Variants in CACHD1 observed in about 807,000 individuals in gnomAD.
CACHD1 encodes VWFA and cache domain-containing protein 1.
CACHD1 carries 71 observed loss-of-function variants against 138.7 expected under a neutral mutation model. The ratio of observed to expected loss-of-function variants is 0.51; its 90% confidence interval spans 0.42 to 0.62. The LOEUF (loss-of-function observed/expected upper bound fraction) is 0.62. CACHD1 is among the 20% of genes least tolerant of loss of function. The pLI is 0.00. For synonymous variants in CACHD1, 578 were observed against 591.5 expected (o/e 0.98, Z 0.33); for missense variants, 1,389 against 1,625.3 (o/e 0.85, Z 2.50).
At chr1:64,505,364 C>T (rs1247309005) in intron 1 of CACHD1, among the ~76,000 whole-genome samples, 9 of 151,722 alleles carry the variant, frequency 5.9e-5, no homozygotes, top group Non-Finnish European at 1.0e-4. Flanking sequence ...GCAACTGTCA[C>T]TATGCTGCGA....
chr1:64,675,001 T>G (rs1570473576), intron 19 of CACHD1, among the ~76,000 whole-genome samples: 1 of 152,340 alleles, frequency 6.6e-6, no homozygotes, highest in East Asian at 1.9e-4. Context: ...ATGCACAATT[T>G]GTGGTTAACT....
Position 64,673,422 on chromosome 1 carries a change from C to T in CACHD1, c.2685C>T (p.Asp895=), listed in dbSNP as rs763001657. ...AAAACCTGTGCAACAGCTTCAGTGA[C>T]AGAACGGTCCAGAGGTTTTATAAAT... ...VKKNLCNSFS[D]RTVQRFYKFN... is the part of the protein sequence containing the mutation. The change falls in exon 19 of 27, where the codon GAC becomes GAT. Residue 895 remains aspartate, a synonymous_variant. Transcript: ENST00000651257. 1.4e-5 allele frequency: 23 copies of T among 1,614,014 alleles called. No individual in the cohort carries two copies. The African/African-American group carries it at 2.3e-4, about 16-fold the overall frequency.
intron 1 of CACHD1, among the ~76,000 whole-genome samples, chr1:64,490,898 T>C (rs1178858666): frequency 6.6e-6 from 1 of 152,214 alleles, no homozygotes; most frequent in Admixed American, 6.5e-5. Flanking sequence ...GAGCAACATT[T>C]TCTCTCTCCA....
At position 64,606,410 on chromosome 1, in the gene CACHD1, G is replaced by C. The variant is rs138138829; in HGVS notation, c.517+3498G>C. On this transcript the variant is annotated intron_variant, in intron 4 of 26. Transcript: ENST00000651257. ...AATTGAGTGACTGTTTGGTGTGCTT[G>C]GAAACTGCAAGAAGGCCACTGTAAC... is the stretch of plus-strand genomic sequence containing the variant. 2.1e-3 allele frequency among the ~76,000 whole-genome samples: 316 copies of C among 152,252 alleles called. 2 individuals are homozygous for C. Among genetic ancestry groups the C allele is most frequent in the African/African-American group, 7.1e-3 (295 of 41,534 alleles).
chr1:64,548,744 C>G (rs577840405), intron 1 of CACHD1, among the ~76,000 whole-genome samples: 13 of 152,318 alleles, frequency 8.5e-5, no homozygotes, highest in Non-Finnish European at 1.5e-4. Context: ...CACATCAGTT[C>G]AAGTTAGGAT....
intron 4 of CACHD1, among the ~76,000 whole-genome samples, chr1:64,608,248 C>G (rs572300224): frequency 1.3e-5 from 2 of 152,180 alleles, no homozygotes; most frequent in Admixed American, 1.3e-4. Flanking sequence ...TGGCTACATC[C>G]CAAAGTCCAC....
intron 1 of CACHD1, among the ~76,000 whole-genome samples, chr1:64,483,156 C>T (rs896149199): frequency 2.0e-5 from 3 of 152,186 alleles, no homozygotes; most frequent in Admixed American, 6.5e-5. Context: ...GTATCTGCTA[C>T]AGTATCAAGC....
intron 3 of CACHD1, among the ~76,000 whole-genome samples, chr1:64,598,672 A>C (rs1647181814): frequency 6.6e-6 from 1 of 152,172 alleles, no homozygotes; most frequent in Admixed American, 6.6e-5. Context: ...GTTTAGTCAA[A>C]TAGGGGTTCC....
chr1:64,664,647 G>A lies in CACHD1; in HGVS notation c.2244G>A (p.Met748Ile). The A allele has an allele frequency of 1.9e-6, 3 of 1,614,134 alleles. No homozygotes were observed. The highest frequency in any genetic ancestry group is 2.5e-6 in the Non-Finnish European group (3 of 1,180,004). The change falls in exon 15 of 27, where the codon ATG (methionine) becomes ATA (isoleucine). Residue 748 changes from methionine (M) to isoleucine (I), a missense_variant. This residue lies in a region of CACHD1 where 1,000 missense variants were observed against 1,114.7 expected (regional missense o/e 0.90). Transcript: ENST00000651257. ...TCAGAATTTATCCTGGTTCCCTCAT[G>A]GACAAAGCATTTGATCCCACTAGGA... The part of the protein sequence containing the change: ...GVLRIYPGSL[M>I]DKAFDPTRRQ...
rs187791309 is a variant in CACHD1 at position 64,603,384 on chromosome 1, G to A, written c.517+472G>A. Reference sequence around the variant, plus strand: ...CTCCCAAAGTGCTGAGATTACAGGCGTGAGCCACCACGCCCGGCCAATATC... The same window carrying A: ...CTCCCAAAGTGCTGAGATTACAGGCATGAGCCACCACGCCCGGCCAATATC... On this transcript the variant is annotated intron_variant, in intron 4 of 26. Transcript: ENST00000651257. 5.9e-4 allele frequency among the ~76,000 whole-genome samples: 89 copies of A among 152,094 alleles called. 2 individuals carry two copies. The East Asian group carries it at 0.016, about 28-fold the overall frequency.
intron 6 of CACHD1, 56 bp from the exon 7 acceptor site, chr1:64,633,988 T>C: frequency 7.2e-7 from 1 of 1,396,322 alleles, no homozygotes; most frequent in Non-Finnish European, 9.9e-7. Context: ...AATAAATAAA[T>C]CTTTAGACGG....
chr1:64,674,821 A>G (rs1228274777), intron 19 of CACHD1, among the ~76,000 whole-genome samples: 3 of 152,254 alleles, frequency 2.0e-5, no homozygotes, highest in Non-Finnish European at 2.9e-5. Flanking sequence ...AAAATTGGCA[A>G]TTCAAGAAAC....
intron 5 of CACHD1, among the ~76,000 whole-genome samples, chr1:64,630,588 T>G (rs1648267986): frequency 6.6e-6 from 1 of 152,170 alleles, no homozygotes; most frequent in Admixed American, 6.5e-5. Context: ...CCAGTCGTCC[T>G]AAGATATTTT....
intron 4 of CACHD1, among the ~76,000 whole-genome samples, chr1:64,606,876 T>C (rs983486415): frequency 2.6e-5 from 4 of 152,098 alleles, no homozygotes; most frequent in African/African-American, 9.7e-5. Context: ...ACTTCTAAGA[T>C]CCTTGGCCTT....
At chr1:64,607,187 G>A (rs535627136) in intron 4 of CACHD1, among the ~76,000 whole-genome samples, 16 of 152,240 alleles carry the variant, frequency 1.1e-4, no homozygotes, top group African/African-American at 3.6e-4. Context: ...TACTGCTGAG[G>A]TGACACTGAG....
At chr1:64,627,972 C>G (rs985958926) in intron 4 of CACHD1, among the ~76,000 whole-genome samples, 1 of 152,014 alleles carries the variant, frequency 6.6e-6, no homozygotes, top group Non-Finnish European at 1.5e-5. Context: ...GTGATAGATG[C>G]TATGAAGAAA....
chr1:64,673,222 C>T lies in CACHD1; in HGVS notation c.2575C>T (p.His859Tyr). 2 of 1,614,104 alleles carry T rather than the reference C, an allele frequency of 1.2e-6. No homozygotes were observed. Among genetic ancestry groups the T allele is most frequent in the Non-Finnish European group, 1.7e-6 (2 of 1,180,000 alleles). ...AHPTLIDPKG[H>Y]APVEQQHITH... Reference sequence around the variant, plus strand: ...CCCGACTCTCATCGACCCCAAAGGACATGCACCTGTGGAGCAGCAGCACAT... The same window carrying T: ...CCCGACTCTCATCGACCCCAAAGGATATGCACCTGTGGAGCAGCAGCACAT... Residue 859 changes from histidine (H) to tyrosine (Y), a missense_variant, in exon 18 of 27, where the codon CAT (histidine) becomes TAT (tyrosine). His to Tyr is a moderately conservative substitution (Grantham distance 83). Coordinates refer to ENST00000651257, the MANE Select transcript of CACHD1 (RefSeq NM_020925.4).
chr1:64,630,126 G>C (rs1254219532), intron 5 of CACHD1, among the ~76,000 whole-genome samples: 5 of 152,134 alleles, frequency 3.3e-5, no homozygotes, highest in African/African-American at 1.2e-4. Flanking sequence ...ACAGTTTCCT[G>C]TTTGCAGTGT....
rs992151781 is a variant in CACHD1, at chr1:64,550,450, G to C, written c.199-144G>C. The C allele has an allele frequency of 1.2e-5, 7 of 586,856 alleles. No individual in the cohort carries two copies. The Admixed American group carries it at 1.8e-4, about 15-fold the overall frequency. 36.4% of individuals were successfully genotyped at this position (586,856 alleles called of 1,614,324 possible). On this transcript the variant is annotated intron_variant, in intron 1 of 26. Transcript: ENST00000651257. ...TGTGATTGACTTTGGCTGATACTTG[G>C]GTTTCTCTCTGTAAAATTACTGCAT...
Sources: gnomAD v4.1 joint callset for allele counts (sites outside exome capture counted in the v4.1 genomes callset) on GRCh38, gnomAD v4.1.1 for gene constraint, gnomAD v4.1.1 regional missense constraint, MANE v1.5 for transcripts, NCBI Gene and HGNC (gene_info 2026-07-23, HGNC 2026-07-21) for gene names.